APBA2: variants seen among roughly 807,000 people sequenced by gnomAD.
APBA2 encodes the protein amyloid beta precursor protein binding family A member 2.
Under a neutral mutation model 75.0 loss-of-function variants are expected in APBA2, and 30 were observed. The ratio of observed to expected loss-of-function variants is 0.40; its 90% CI spans 0.30 to 0.54. The LOEUF is 0.54. Among genes scored for constraint, APBA2 ranks in the 20% least tolerant of loss-of-function variants. APBA2 has a pLI of 0.49. For synonymous variants in APBA2, 444 were observed against 409.6 expected (o/e 1.08, Z -1.01); for missense variants, 801 against 1,016.1 (o/e 0.79, Z 2.88).
intron 2 of APBA2, among the ~76,000 whole-genome samples, chr15:28,975,239 C>CTG (rs10694144): frequency 0.3 from 46,160 of 151,876 alleles, 11,578 homozygotes; most frequent in African/African-American, 0.67. Flanking sequence ...AAATTCAAAT[C>CTG]TATATTTTCA....
In APBA2 at chr15:28,918,786, C is replaced by G. The variant is rs150947307; in HGVS notation, c.-204-2854C>G. On this transcript the variant is annotated intron_variant, in intron 1 of 14. Transcript: ENST00000683413. The surrounding 1 kb of genome is among the most constrained non-coding windows in gnomAD (Gnocchi z 4.2). ...CTGCTTGGGGTTGTTGCCCACATCA[C>G]CGAGCGAACGTTCCTGTCCCGCCCA... 1.3e-5 allele frequency among the ~76,000 whole-genome samples: 2 copies of G among 152,212 alleles called. No individual in the cohort carries two copies. The highest frequency in any genetic ancestry group is 2.1e-4 in the South Asian group (1 of 4,822).
At chr15:28,906,762 T>G (rs1338777357) in intron 1 of APBA2, among the ~76,000 whole-genome samples, 5 of 152,224 alleles carry the variant, frequency 3.3e-5, no homozygotes, top group Non-Finnish European at 5.9e-5. Context: ...ACAAGCTGCT[T>G]CTTGTGTGCT....
intron 2 of APBA2, among the ~76,000 whole-genome samples, chr15:28,928,594 A>T (rs1311087796): frequency 6.6e-6 from 1 of 152,154 alleles, no homozygotes; most frequent in Non-Finnish European, 1.5e-5. Flanking sequence ...GACCCCAAAC[A>T]GGAGGCCAGA....
intron 3 of APBA2, among the ~76,000 whole-genome samples, chr15:29,044,620 G>T (rs2041213117): frequency 6.6e-6 from 1 of 152,134 alleles, no homozygotes; most frequent in South Asian, 2.1e-4. Context: ...GGGCTCATAT[G>T]GGGACCTGGG....
At chr15:29,077,951 C>T (rs890787338) in intron 6 of APBA2, among the ~76,000 whole-genome samples, 2 of 152,180 alleles carry the variant, frequency 1.3e-5, no homozygotes, top group African/African-American at 4.8e-5. Flanking sequence ...CCTTTGGGTA[C>T]AAGTATCAAA....
chr15:28,986,997 G>C (rs1355502595), intron 2 of APBA2, among the ~76,000 whole-genome samples: 1 of 152,128 alleles, frequency 6.6e-6, no homozygotes, highest in African/African-American at 2.4e-5. Context: ...CTTGGTGGAA[G>C]GCTCAGGAGA....
intron 3 of APBA2, among the ~76,000 whole-genome samples, chr15:29,023,441 CTTTTTTTTTTTTTTTTTTTTTT>C (rs10604525): frequency 1.4e-5 from 1 of 73,290 alleles, no homozygotes; most frequent in African/African-American, 6.3e-5. Context: ...TACCTTTTTC[CTTTTTTTTTTTTTTTTTTTTTT>C]TTTTTTTTTT....
At chr15:29,074,759 A>G (rs1258648994) in intron 4 of APBA2, among the ~76,000 whole-genome samples, 162 bp from the exon 5 acceptor site, 1 of 151,956 alleles carries the variant, frequency 6.6e-6, no homozygotes. Flanking sequence ...TATTAAGTGC[A>G]TAGCAGTTTA....
At chr15:29,010,533 C>T (rs1407259151) in intron 3 of APBA2, among the ~76,000 whole-genome samples, 1 of 152,200 alleles carries the variant, frequency 6.6e-6, no homozygotes, top group East Asian at 1.9e-4. Flanking sequence ...GCTGGGATTA[C>T]AGGTGCGAGC....
intron 2 of APBA2, among the ~76,000 whole-genome samples, chr15:28,930,734 C>T (rs567245574): frequency 2.0e-5 from 3 of 152,292 alleles, no homozygotes; most frequent in South Asian, 2.1e-4. Flanking sequence ...CAGTGACCCT[C>T]GGGTAGGTTT....
At chr15:29,084,264 A>C (rs1420150285) in intron 6 of APBA2, among the ~76,000 whole-genome samples, 5 of 152,152 alleles carry the variant, frequency 3.3e-5, no homozygotes, top group African/African-American at 1.2e-4. Flanking sequence ...CTTGTTTTCT[A>C]TTACTTCTTC....
intron 3 of APBA2, among the ~76,000 whole-genome samples, chr15:29,050,135 G>A (rs2041525837): frequency 6.6e-6 from 1 of 152,104 alleles, no homozygotes; most frequent in African/African-American, 2.4e-5. Flanking sequence ...GCTTCCAGAC[G>A]GAAGGAATAG....
At chr15:29,055,829 A>T (rs145001664) in intron 4 of APBA2, among the ~76,000 whole-genome samples, 2 of 152,252 alleles carry the variant, frequency 1.3e-5, no homozygotes, top group African/African-American at 4.8e-5. Flanking sequence ...AAAGAACGTT[A>T]AGTGTCAGTT....
chr15:29,086,356 A>G (rs561707966), intron 6 of APBA2, among the ~76,000 whole-genome samples: 5 of 152,174 alleles, frequency 3.3e-5, no homozygotes, highest in Non-Finnish European at 5.9e-5. Flanking sequence ...ATCCACAGAA[A>G]CTCTCAGATA....
At chr15:29,097,233 C>T (rs974675590) in intron 8 of APBA2, among the ~76,000 whole-genome samples, 1 of 152,262 alleles carries the variant, frequency 6.6e-6, no homozygotes, top group Non-Finnish European at 1.5e-5. Flanking sequence ...CTTAGAATCC[C>T]AAATCCAGGA....
intron 3 of APBA2, among the ~76,000 whole-genome samples, chr15:29,023,184 G>A (rs2040036591): frequency 6.6e-6 from 1 of 152,062 alleles, no homozygotes; most frequent in Non-Finnish European, 1.5e-5. Flanking sequence ...CTCTTGAGAT[G>A]TCTCTTTGTG....
chr15:28,889,059 A>G (rs2031954641), intron 1 of APBA2, among the ~76,000 whole-genome samples: 1 of 151,942 alleles, frequency 6.6e-6, no homozygotes, highest in African/African-American at 2.4e-5. Flanking sequence ...GGTTGGCCCG[A>G]GTGCCCACAG....
intron 1 of APBA2, among the ~76,000 whole-genome samples, chr15:28,901,945 T>TGTGTGTGTGTGTGTGG (rs546149569): frequency 7.1e-6 from 1 of 140,742 alleles, no homozygotes; most frequent in Non-Finnish European, 1.5e-5. Flanking sequence ...TGTGTGTATG[T>TGTGTGTGTGTGTGTGG]TGGGGGTCTG....
intron 3 of APBA2, among the ~76,000 whole-genome samples, chr15:29,037,152 T>C (rs1236571211): frequency 2.6e-5 from 4 of 152,222 alleles, no homozygotes; most frequent in Admixed American, 1.3e-4. Flanking sequence ...TGGGAGAATT[T>C]TTATTCAGAA....
Sources: allele counts gnomAD v4.1 joint callset (sites outside exome capture counted in the v4.1 genomes callset), GRCh38; gene constraint gnomAD v4.1.1; non-coding constraint Gnocchi (gnomAD v3.1); transcripts MANE v1.5; gene names NCBI Gene and HGNC (gene_info 2026-07-23, HGNC 2026-07-21).